The following ACOT7 variants were observed in gnomAD, a reference collection of about 807,000 sequenced individuals.
ACOT7 encodes the protein cytosolic acyl coenzyme A thioester hydrolase.
Under a neutral mutation model 40.2 loss-of-function variants are expected in ACOT7, and 12 were observed. That is an observed-to-expected ratio of 0.30 (90% CI 0.19 to 0.48). ACOT7 has a LOEUF of 0.48. Among genes scored for constraint, ACOT7 ranks in the 20% least tolerant of loss-of-function variants. The pLI is 0.99. For synonymous variants in ACOT7, 228 were observed against 219.5 expected (o/e 1.04, Z -0.34); for missense variants, 395 against 530.8 (o/e 0.74, Z 2.51).
chr1:6,266,080 T>A (rs1249934059), intron 8 of ACOT7, among the ~76,000 whole-genome samples: 1 of 152,154 alleles, frequency 6.6e-6, no homozygotes, highest in Non-Finnish European at 1.5e-5. Context: ...GCGGTCCTGG[T>A]CCCCCTTTGA....
At position 6,388,449 on chromosome 1, in the gene ACOT7, C is replaced by T. The variant is rs141735763; in HGVS notation, c.143+4808G>A. Among the ~76,000 whole-genome samples, 22 of 151,342 alleles carry T rather than the reference C, an allele frequency of 1.5e-4. No individual in the cohort carries two copies. In the East Asian group the frequency reaches 4.2e-3, roughly 29 times the overall value. ...ATTAATTCCATTATAAAACCAAAGA[C>T]AGAGCCCGGCCTGGTGCAGTGGCTC... On this transcript the variant is annotated intron_variant, in intron 1 of 8. Coordinates refer to ENST00000361521, the MANE Select transcript of ACOT7 (RefSeq NM_007274.4).
rs969477934 is a variant in ACOT7 at position 6,294,166 on chromosome 1, G to A, written c.829+698C>T. Reference sequence around the variant, plus strand: ...CTGTGAGGCAGTGCTGCTGCAGGGGGTGCACGGCCTCATCTCAGCAGACGT... The same window carrying A: ...CTGTGAGGCAGTGCTGCTGCAGGGGATGCACGGCCTCATCTCAGCAGACGT... On this transcript the variant is annotated intron_variant, in intron 7 of 8. Transcript: ENST00000361521. This position sits in a 1 kb window ranked among gnomAD's most constrained non-coding sequence, Gnocchi z 4.6. 3.3e-5 allele frequency among the ~76,000 whole-genome samples: 5 copies of A among 152,234 alleles called. No individual in the cohort carries two copies. Among genetic ancestry groups the A allele is most frequent in the African/African-American group, 1.2e-4 (5 of 41,464 alleles).
At position 6,306,158 on chromosome 1, in the gene ACOT7, C is replaced by G. The variant is rs998795610; in HGVS notation, c.713-11178G>C. Reference sequence around the variant, plus strand: ...GCAGCAGCACAGTCCAGCTTCGGCTCGGCATCAGAGGGAGACCGTGGCAAG... The same window carrying G: ...GCAGCAGCACAGTCCAGCTTCGGCTGGGCATCAGAGGGAGACCGTGGCAAG... On this transcript the variant is annotated intron_variant, in intron 6 of 8. Transcript: ENST00000361521. This position sits in a 1 kb window ranked among gnomAD's most constrained non-coding sequence, Gnocchi z 4.3. The G allele has an allele frequency of 3.9e-5, 31 of 800,852 alleles. No individual in the cohort carries two copies. The African/African-American group carries it at 4.1e-4, about 10-fold the overall frequency. The allele number at this position is 800,852 out of a possible 1,614,324, so 49.6% of individuals were successfully genotyped here.
chr1:6,338,304 AC>A lies in ACOT7; in HGVS notation c.418+1128del, dbSNP rs918126118. ...GCGATCTCACAGGAGATGGCAGGGA[AC>A]CCCCAAGGCCCCTAAAGTGGGGAAC... On this transcript the variant is annotated intron_variant, in intron 3 of 8. Coordinates refer to ENST00000361521, the MANE Select transcript of ACOT7 (RefSeq NM_007274.4). The surrounding 1 kb of genome is among the most constrained non-coding windows in gnomAD (Gnocchi z 4.4). 1.7e-4 allele frequency among the ~76,000 whole-genome samples: 26 copies of A among 151,952 alleles called. No individual in the cohort carries two copies. The highest frequency in any genetic ancestry group is 5.9e-5 in the Non-Finnish European group (4 of 67,988).
In ACOT7 at chr1:6,282,114, G is replaced by A. The variant is rs1639375312; in HGVS notation, c.830-828C>T. ...GTACGCCCCACGCTCCCCAGGGCAC[G>A]ACAGTCCATCCTGGCAGAAGCTTCC... On this transcript the variant is annotated intron_variant, in intron 7 of 8. Coordinates refer to ENST00000361521, the MANE Select transcript of ACOT7 (RefSeq NM_007274.4). The surrounding 1 kb of genome is among the most constrained non-coding windows in gnomAD (Gnocchi z 4.5). Among the ~76,000 whole-genome samples, 1 of 151,920 alleles carries A rather than the reference G, an allele frequency of 6.6e-6. No homozygotes were observed. Among genetic ancestry groups the A allele is most frequent in the African/African-American group, 2.4e-5 (1 of 41,336 alleles).
At chr1:6,316,627 T>C (rs147697945) in intron 6 of ACOT7, among the ~76,000 whole-genome samples, 1 of 152,130 alleles carries the variant, frequency 6.6e-6, no homozygotes, top group Non-Finnish European at 1.5e-5. Context: ...CTGGCCAACA[T>C]AGTAAAACCC....
intron 1 of ACOT7, chr1:6,360,465 G>A: frequency 6.8e-7 from 1 of 1,475,390 alleles, no homozygotes; most frequent in Non-Finnish European, 9.4e-7. Context: ...CCAGGGTCTT[G>A]AAGCCACAGC....
chr1:6,340,114 C>T (rs1028070950), intron 2 of ACOT7, among the ~76,000 whole-genome samples: 20 of 151,982 alleles, frequency 1.3e-4, no homozygotes, highest in African/African-American at 4.6e-4. Flanking sequence ...TACAGGCGCC[C>T]GCCACCATGC....
chr1:6,372,913 G>A (rs892911251), intron 1 of ACOT7, among the ~76,000 whole-genome samples: 1 of 152,050 alleles, frequency 6.6e-6, no homozygotes, highest in Non-Finnish European at 1.5e-5. Context: ...CTAGAGGTAG[G>A]GTATTAATTG....
rs2148434559 is a variant in ACOT7, at chr1:6,330,351, C to T, written c.511-2938G>A. On this transcript the variant is annotated intron_variant, in intron 4 of 8. Transcript: ENST00000361521. The surrounding 1 kb of genome is among the most constrained non-coding windows in gnomAD (Gnocchi z 4.6). ...CTAAGCAGGCCTCTGGCCGGGCCCA[C>T]CAGTGAAAAACAGGAGACCTAGATT... 6.6e-6 allele frequency among the ~76,000 whole-genome samples: 1 copy of T among 152,124 alleles called. No individual in the cohort carries two copies. Among genetic ancestry groups the T allele is most frequent in the South Asian group, 2.1e-4 (1 of 4,822 alleles).
At chr1:6,361,496 G>A (rs1455850172) in intron 1 of ACOT7, among the ~76,000 whole-genome samples, 1 of 152,210 alleles carries the variant, frequency 6.6e-6, no homozygotes, top group Non-Finnish European at 1.5e-5. Context: ...GCTCAGGAAA[G>A]CTGTTATAAA....
At chr1:6,361,762 G>T (rs1173152896) in intron 1 of ACOT7, among the ~76,000 whole-genome samples, 1 of 152,026 alleles carries the variant, frequency 6.6e-6, no homozygotes, top group Non-Finnish European at 1.5e-5. Flanking sequence ...ACGTCACTGC[G>T]TTACTGCATT....
At chr1:6,284,356 C>T (rs1405499386) in intron 7 of ACOT7, among the ~76,000 whole-genome samples, 2 of 152,114 alleles carry the variant, frequency 1.3e-5, no homozygotes, top group African/African-American at 4.8e-5. Flanking sequence ...GCGGGCTCAT[C>T]ACTTGAGGTC....
At chr1:6,279,953 A>G (rs1639305947) in intron 8 of ACOT7, among the ~76,000 whole-genome samples, 1 of 152,148 alleles carries the variant, frequency 6.6e-6, no homozygotes, top group African/African-American at 2.4e-5. Context: ...TCTGAGAGGA[A>G]TGGGTTTTCA....
chr1:6,344,470 A>G (rs1258827988), intron 2 of ACOT7, among the ~76,000 whole-genome samples: 1 of 152,282 alleles, frequency 6.6e-6, no homozygotes, highest in Middle Eastern at 3.4e-3. Flanking sequence ...TTAACATACT[A>G]AAGAAAAAAG....
At chr1:6,333,814 G>T (rs1641026996) in intron 3 of ACOT7, among the ~76,000 whole-genome samples, 1 of 151,738 alleles carries the variant, frequency 6.6e-6, no homozygotes, top group Admixed American at 6.6e-5. Flanking sequence ...CAGAGCCCAT[G>T]GAGAGAGGCT....
At chr1:6,366,197 T>G (rs1642007893) in intron 1 of ACOT7, among the ~76,000 whole-genome samples, 1 of 152,052 alleles carries the variant, frequency 6.6e-6, no homozygotes, top group African/African-American at 2.4e-5. Context: ...CTGATTAGGA[T>G]GGCGACTGCT....
At position 6,264,412 on chromosome 1, in the gene ACOT7, T is replaced by C; in HGVS notation, c.*185A>G. 1.6e-6 allele frequency: 1 copy of C among 607,128 alleles called. No homozygotes were observed. Among genetic ancestry groups the C allele is most frequent in the Non-Finnish European group, 2.9e-6 (1 of 345,870 alleles). 37.6% of individuals were successfully genotyped at this position (607,128 alleles called of 1,614,324 possible). ...GTGTAGCATTGATACTGGAATGATA[T>C]AAATAAAGCTTTGGTGTGTAGGTTT... On this transcript the variant is annotated 3_prime_UTR_variant, in exon 9 of 9. Transcript: ENST00000361521.
At chr1:6,273,552 G>C (rs1195359839) in intron 8 of ACOT7, among the ~76,000 whole-genome samples, 1 of 152,220 alleles carries the variant, frequency 6.6e-6, no homozygotes, top group South Asian at 2.1e-4. Flanking sequence ...GGGGCAGGAG[G>C]GGGGCAGGGC....
Sources: allele counts gnomAD v4.1 joint callset (sites outside exome capture counted in the v4.1 genomes callset), GRCh38; gene constraint gnomAD v4.1.1; non-coding constraint Gnocchi (gnomAD v3.1); transcripts MANE v1.5; gene names NCBI Gene and HGNC (gene_info 2026-07-23, HGNC 2026-07-21).